Variants in NAT1 observed in about 807,000 individuals in gnomAD.
NAT1 encodes the protein arylamine N-acetyltransferase 1.
For missense variants in NAT1, 400 were observed against 339.2 expected (o/e 1.18, Z -1.41); for synonymous variants, 144 against 122.6 (o/e 1.17, Z -1.16).
At chr8:18,219,224 G>A (rs1320552322) in intron 1 of NAT1, among the ~76,000 whole-genome samples, 187 bp from the exon 2 acceptor site, 2 of 152,112 alleles carry the variant, frequency 1.3e-5, no homozygotes, top group Non-Finnish European at 2.9e-5. Flanking sequence ...CATCAGCGTT[G>A]CACCCATCTC....
chr8:18,218,114 T>G (rs1437297114), intron 1 of NAT1, among the ~76,000 whole-genome samples: 2 of 152,208 alleles, frequency 1.3e-5, no homozygotes, highest in Non-Finnish European at 2.9e-5. Context: ...TTTCCTGCTC[T>G]TTATTCCAGT....
At chr8:18,204,060 G>A (rs1444044325) in intron 2 of NAT1, among the ~76,000 whole-genome samples, 5 of 152,108 alleles carry the variant, frequency 3.3e-5, no homozygotes, top group Non-Finnish European at 7.3e-5. Context: ...CGTCATACCT[G>A]ATCTAACCAA....
At chr8:18,210,260 A>T (rs932003831) in intron 1 of NAT1, 80 bp downstream of exon 1, 1 of 152,190 alleles carries the variant, frequency 6.6e-6, no homozygotes, top group East Asian at 1.9e-4. Flanking sequence ...TAGGTTCTAC[A>T]CGATGTCTAC....
chr8:18,181,232 T>C (rs866211989), intron 2 of NAT1, among the ~76,000 whole-genome samples: 2 of 152,190 alleles, frequency 1.3e-5, no homozygotes, highest in African/African-American at 4.8e-5. Flanking sequence ...ATTAAACTTA[T>C]GCCTAAAAAT....
intron 1 of NAT1, among the ~76,000 whole-genome samples, chr8:18,215,731 T>C (rs192841628): frequency 1.2e-4 from 18 of 152,354 alleles, no homozygotes; most frequent in African/African-American, 4.3e-4. Context: ...ATTTTGATTT[T>C]GTTAGTTCTC....
intron 1 of NAT1, among the ~76,000 whole-genome samples, chr8:18,215,282 G>C (rs1804528322): frequency 1.3e-5 from 2 of 152,114 alleles, no homozygotes; most frequent in Admixed American, 6.6e-5. Flanking sequence ...TGCACTTTTT[G>C]CATTCTCCAC....
At chr8:18,199,067 A>C (rs930002520) in intron 2 of NAT1, among the ~76,000 whole-genome samples, 1 of 151,916 alleles carries the variant, frequency 6.6e-6, no homozygotes, top group Non-Finnish European at 1.5e-5. Context: ...TAATTCCAGC[A>C]CTTTGGGAGG....
At chr8:18,197,890 T>C (rs1048777259) in intron 2 of NAT1, among the ~76,000 whole-genome samples, 4 of 134,248 alleles carry the variant, frequency 3.0e-5, no homozygotes, top group Non-Finnish European at 6.5e-5. Context: ...ATGTTTATAC[T>C]TTTTTTTTTT....
At chr8:18,185,343 A>G (rs1222071227) in intron 2 of NAT1, among the ~76,000 whole-genome samples, 3 of 152,156 alleles carry the variant, frequency 2.0e-5, no homozygotes, top group Non-Finnish European at 2.9e-5. Flanking sequence ...TTTCAGGATT[A>G]TTTAGAATTT....
At position 18,194,128 on chromosome 8, in the gene NAT1, G is replaced by T. The variant is rs560601848; in HGVS notation, n.93-15653G>T. 5.5e-3 allele frequency among the ~76,000 whole-genome samples: 841 copies of T among 152,216 alleles called. 6 individuals are homozygous for T. Among genetic ancestry groups the T allele is most frequent in the African/African-American group, 0.019 (781 of 41,528 alleles). Reference sequence around the variant, plus strand: ...CTGAATGGAATTGGGACAACCGGATGGCCAGCCTGCTTTGTGTTCACTGGA... The same window carrying T: ...CTGAATGGAATTGGGACAACCGGATTGCCAGCCTGCTTTGTGTTCACTGGA... On this transcript the variant is annotated intron_variant and non_coding_transcript_variant, in intron 2 of 4. Coordinates refer to the NAT1 transcript ENST00000517441.
At chr8:18,177,562 T>C (rs986262522) in intron 2 of NAT1, among the ~76,000 whole-genome samples, 22 of 152,134 alleles carry the variant, frequency 1.4e-4, no homozygotes, top group African/African-American at 5.1e-4. Context: ...GAAATTCCAT[T>C]GTATACAATA....
At chr8:18,188,000 G>A (rs1274354116) in intron 2 of NAT1, among the ~76,000 whole-genome samples, 2 of 142,576 alleles carry the variant, frequency 1.4e-5, no homozygotes, top group African/African-American at 2.5e-5. Context: ...ACATGAGACA[G>A]CACTATTGTT....
chr8:18,192,350 G>C (rs1239948788), intron 2 of NAT1, among the ~76,000 whole-genome samples: 1 of 152,198 alleles, frequency 6.6e-6, no homozygotes, highest in Non-Finnish European at 1.5e-5. Context: ...ACAGGTGCTG[G>C]AGCGGATGGG....
upstream of NAT1, among the ~76,000 whole-genome samples, chr8:18,208,144 A>C (rs561296663): frequency 6.6e-6 from 1 of 152,116 alleles, no homozygotes; most frequent in African/African-American, 2.4e-5. Context: ...ATGGGGAGGG[A>C]GCGCATCAGG....
intron 2 of NAT1, among the ~76,000 whole-genome samples, chr8:18,204,498 G>A (rs1007109426): frequency 2.0e-5 from 3 of 152,142 alleles, no homozygotes; most frequent in Non-Finnish European, 4.4e-5. Context: ...TTTAAAAACT[G>A]AAACATTACT....
chr8:18,206,364 C>T (rs535570928), upstream of NAT1, among the ~76,000 whole-genome samples: 9 of 152,268 alleles, frequency 5.9e-5, no homozygotes, highest in African/African-American at 1.9e-4. Flanking sequence ...CCAGTCATCT[C>T]GGTCCCTTGG....
intron 2 of NAT1, among the ~76,000 whole-genome samples, chr8:18,200,294 G>A (rs192079733): frequency 6.8e-6 from 1 of 147,618 alleles, no homozygotes; most frequent in Admixed American, 6.9e-5. Context: ...ATCAACCTAG[G>A]TGCCCATCAA....
intron 2 of NAT1, among the ~76,000 whole-genome samples, chr8:18,177,602 A>C (rs1802338896): frequency 6.6e-6 from 1 of 152,094 alleles, no homozygotes; most frequent in Non-Finnish European, 1.5e-5. Context: ...TCATTTTAGA[A>C]ATGAGGATAT....
At position 18,197,189 on chromosome 8, in the gene NAT1, G is replaced by C. The variant is rs28383683; in HGVS notation, n.93-12592G>C. Among the ~76,000 whole-genome samples the C allele has an allele frequency of 8.3e-3, 1,258 of 152,184 alleles. 14 individuals are homozygous for C. Among genetic ancestry groups the C allele is most frequent in the African/African-American group, 0.028 (1,155 of 41,488 alleles). On this transcript the variant is annotated intron_variant and non_coding_transcript_variant, in intron 2 of 4. Coordinates refer to the NAT1 transcript ENST00000517441. ...CCCAGGATCCAATCACCTCCTACCT[G>C]GTCCCTCCACTGACATGTGGAGATT...
Sources: allele counts gnomAD v4.1 joint callset (sites outside exome capture counted in the v4.1 genomes callset), GRCh38; gene constraint gnomAD v4.1.1; transcripts MANE v1.5; gene names NCBI Gene and HGNC (gene_info 2026-07-23, HGNC 2026-07-21).